Variants in RTEL1 observed in about 807,000 individuals in gnomAD.
The protein encoded by RTEL1 is regulator of telomere elongation helicase 1.
Under a neutral mutation model 162.2 loss-of-function variants are expected in RTEL1, and 86 were observed. That is an observed-to-expected ratio of 0.53 (90% CI 0.45 to 0.63). The LOEUF (loss-of-function observed/expected upper bound fraction) is 0.63, where lower values mean the gene tolerates loss of function less well. Ranked by LOEUF, RTEL1 falls within the 30% of genes least tolerant of loss-of-function variation. The pLI, the probability that RTEL1 is intolerant of heterozygous loss-of-function variation, is 0.00. For synonymous variants in RTEL1, 958 were observed against 717.9 expected, an observed-to-expected ratio of 1.33 and a Z score of -5.35; for missense variants, 1,941 against 1,750.2, an observed-to-expected ratio of 1.11 and a Z score of -1.95.
At chr20:63,666,894 C>T (rs1041445277) in intron 7 of RTEL1, among the ~76,000 whole-genome samples, 2 of 138,592 alleles carry the variant, frequency 1.4e-5, no homozygotes, top group Admixed American at 1.6e-4. Flanking sequence ...GGCTGGAGTG[C>T]AGTGGTGCGA....
At chr20:63,673,840 G>C (rs1479836550) in intron 9 of RTEL1, 100 bp from the exon 10 acceptor site, 20 of 1,389,080 alleles carry the variant, frequency 1.4e-5, no homozygotes, top group Non-Finnish European at 2.0e-5. Context: ...GAACTTGGCT[G>C]TCAGCCTCCT....
chr20:63,695,695 T>G (rs2145481438), intron 34 of RTEL1, 45 bp downstream of exon 34: 3 of 1,608,390 alleles, frequency 1.9e-6, no homozygotes, highest in Non-Finnish European at 2.5e-6. Context: ...TAGCCCCAGG[T>G]GATGGGCTGA....
intron 6 of RTEL1, among the ~76,000 whole-genome samples, chr20:63,664,538 T>C (rs771473800): frequency 1.7e-4 from 26 of 152,256 alleles, no homozygotes; most frequent in Admixed American, 3.3e-4. Flanking sequence ...GGGGCCCCCA[T>C]CTGTCTCCTC....
In RTEL1 at chr20:63,662,637, TG is replaced by T. The variant is rs760455855; in HGVS notation, c.477+13del. 1 of 1,613,830 alleles carries T rather than the reference TG, an allele frequency of 6.2e-7. No individual in the cohort carries two copies. The highest frequency in any genetic ancestry group is 1.7e-5 in the Admixed American group (1 of 60,000). ...GAGTAACCATCTACAGGTAGGCTCC[TG>T]GGCTCCCGCTCCGGCTCAGTGTCCG... On this transcript the variant is annotated intron_variant, in intron 5 of 34. Coordinates refer to ENST00000360203, the MANE Select transcript of RTEL1 (RefSeq NM_001283009.2).
rs376017769 is a variant in RTEL1, at chr20:63,692,907, C to G, written c.2755C>G (p.Leu919Val). Residue 919 changes from leucine to valine, a missense_variant, in exon 29 of 35, where the codon CTG becomes GTG. Transcript: ENST00000360203. The part of the protein sequence containing the change: ...QANFATFTQA[L>V]QDYKGSDDFA... Reference sequence around the variant, plus strand: ...CAACTTTGCCACCTTCACCCAGGCCCTGCAGGACTACAAGGGTTCCGATGA... The same window carrying G: ...CAACTTTGCCACCTTCACCCAGGCCGTGCAGGACTACAAGGGTTCCGATGA... The G allele has an allele frequency of 6.2e-6, 10 of 1,612,658 alleles. No individual in the cohort carries two copies. Among genetic ancestry groups the G allele is most frequent in the Non-Finnish European group, 7.6e-6 (9 of 1,179,864 alleles).
intron 14 of RTEL1, among the ~76,000 whole-genome samples, chr20:63,684,435 G>A (rs1248862787): frequency 1.3e-5 from 2 of 151,574 alleles, no homozygotes; most frequent in African/African-American, 2.4e-5. Context: ...CTCACTGCAA[G>A]CTCCGCCTCC....
rs745723707 is a variant in RTEL1, at chr20:63,687,975, A to C, written c.1520A>C (p.Asp507Ala). ...TGCCTGGAGAACCCACACATCATCG[A>C]CAAGCACCAGATCTGGGTGGGGGTC... Reference protein sequence around the residue: ...PVCLENPHIIDKHQIWVGVVP... With the variant: ...PVCLENPHIIAKHQIWVGVVP... The change falls in exon 18 of 35, where the codon GAC (aspartate) becomes GCC (alanine). Residue 507 changes from aspartate (D) to alanine (A), a missense_variant. Coordinates refer to ENST00000360203, the MANE Select transcript of RTEL1 (RefSeq NM_001283009.2). The C allele has an allele frequency of 6.2e-7, 1 of 1,612,668 alleles. No homozygotes were observed. The highest frequency in any genetic ancestry group is 8.5e-7 in the Non-Finnish European group (1 of 1,179,966).
At position 63,668,119 on chromosome 20, in the gene RTEL1, C is replaced by T. The variant is rs1335585605; in HGVS notation, c.699+566C>T. ...TGCCCAGCCCCACGCTCACTCCCCC[C>T]GCCAGCATGTGCCCGGCCCCACACT... On this transcript the variant is annotated intron_variant, in intron 8 of 34. Coordinates refer to ENST00000360203, the MANE Select transcript of RTEL1 (RefSeq NM_001283009.2). The surrounding 1 kb of genome is among the most constrained non-coding windows in gnomAD (Gnocchi z 4.3). 7.0e-5 allele frequency among the ~76,000 whole-genome samples: 10 copies of T among 143,224 alleles called. No homozygotes were observed. Among genetic ancestry groups the T allele is most frequent in the African/African-American group, 1.6e-4 (6 of 38,378 alleles). The allele number at this position is 143,224 out of a possible 152,430, so 94.0% of individuals were successfully genotyped here. A position where few individuals can be genotyped will look rare whatever the true frequency, so the allele number is the denominator to read the frequency against.
Position 63,661,531 on chromosome 20 carries a change from G to C in RTEL1, c.301+35G>C. 6.3e-7 allele frequency: 1 copy of C among 1,588,060 alleles called. No homozygotes were observed. The stretch of plus-strand genomic sequence containing the variant: ...GTTCCCAGGCCTCTCCTGGCCTCCT[G>C]TGGGGATGGTTGGCAAGGGATGGCG... On this transcript the variant is annotated intron_variant, in intron 3 of 34. Transcript: ENST00000360203. This position sits in a 1 kb window ranked among gnomAD's most constrained non-coding sequence, Gnocchi z 5.1.
rs770389042 is a variant in RTEL1, at chr20:63,678,195, C to T, written c.958+12C>T. The stretch of plus-strand genomic sequence containing the variant: ...TGCAAAGCTGAAGAGTAAGTGTTGC[C>T]CTCCCCGCCTCCTTGCAGCTGGGTG... On this transcript the variant is annotated intron_variant, in intron 11 of 34. Transcript: ENST00000360203. The T allele has an allele frequency of 5.6e-6, 9 of 1,613,036 alleles. No individual in the cohort carries two copies. Among genetic ancestry groups the T allele is most frequent in the African/African-American group, 1.3e-5 (1 of 74,892 alleles).
Position 63,695,340 on chromosome 20 carries a change from C to T in RTEL1, c.3512C>T (p.Ser1171Phe), listed in dbSNP as rs1220694664. Residue 1171 changes from serine (S) to phenylalanine (F), a missense_variant, in exon 34 of 35, where the codon TCC becomes TTC. Ser to Phe is a radical substitution (Grantham distance 155, BLOSUM62 -2). Coordinates refer to ENST00000360203, the MANE Select transcript of RTEL1 (RefSeq NM_001283009.2). ...HRAPQPGPSR[S>F]EKTGKTQSKI... ...TCTCTGTCTCCAGGCCCCTCACGGT[C>T]CGAGAAGACCGGGAAGACCCAGAGC... is the stretch of plus-strand genomic sequence containing the variant. The T allele has an allele frequency of 6.4e-7, 1 of 1,553,968 alleles. No individual in the cohort carries two copies. Among genetic ancestry groups the T allele is most frequent in the East Asian group, 2.3e-5 (1 of 44,370 alleles).
At chr20:63,667,928 G>A (rs1191972935) in intron 8 of RTEL1, among the ~76,000 whole-genome samples, 1 of 151,262 alleles carries the variant, frequency 6.6e-6, no homozygotes. Context: ...CGCGTGCCCG[G>A]CCCCACACTC....
At chr20:63,685,980 C>A in intron 16 of RTEL1, 108 bp downstream of exon 16, 1 of 1,013,398 alleles carries the variant, frequency 9.9e-7, no homozygotes, top group Non-Finnish European at 1.5e-6. Context: ...CCCCCATGGG[C>A]CTGGCCACCT....
In RTEL1 at chr20:63,668,045, A is replaced by C. The variant is rs1472880399; in HGVS notation, c.699+492A>C. Among the ~76,000 whole-genome samples the C allele has an allele frequency of 5.9e-5, 6 of 101,984 alleles. No individual in the cohort carries two copies. The highest frequency in any genetic ancestry group is 8.1e-5 in the African/African-American group (2 of 24,620). The allele number at this position is 101,984 out of a possible 152,430, so 66.9% of individuals were successfully genotyped here. On this transcript the variant is annotated intron_variant, in intron 8 of 34. Transcript: ENST00000360203. This position sits in a 1 kb window ranked among gnomAD's most constrained non-coding sequence, Gnocchi z 4.3. The stretch of plus-strand genomic sequence containing the variant: ...ACAGCATGTGCCCGGCCTGACACTC[A>C]CTCCCCTCCTCCCAGTGTGTGCCCA...
intron 25 of RTEL1, 28 bp from the exon 26 acceptor site, chr20:63,690,266 G>A (rs2145431388): frequency 6.2e-7 from 1 of 1,600,474 alleles, no homozygotes; most frequent in Non-Finnish European, 8.5e-7. Flanking sequence ...AGCCAGAAAT[G>A]GGTCCACCCA....
rs371159583 is a variant in RTEL1, at chr20:63,694,752, A to G, written c.3121A>G (p.Ser1041Gly). 3.7e-6 allele frequency: 6 copies of G among 1,604,172 alleles called. No homozygotes were observed. The highest frequency in any genetic ancestry group is 3.4e-5 in the Admixed American group (2 of 59,474). Residue 1041 changes from serine (S) to glycine (G), a missense_variant, in exon 32 of 35, where the codon AGC (serine) becomes GGC (glycine). Coordinates refer to ENST00000360203, the MANE Select transcript of RTEL1 (RefSeq NM_001283009.2). ...TACTCCCACACCAGGAGACCCTGGCAGCCAACCACAGTGGGGGTCTGGAGT... is the reference window on the plus strand; with the variant it reads ...TACTCCCACACCAGGAGACCCTGGCGGCCAACCACAGTGGGGGTCTGGAGT... Reference protein sequence around the residue: ...PRPPPTGDPGSQPQWGSGVPR... With the variant: ...PRPPPTGDPGGQPQWGSGVPR...
intron 30 of RTEL1, among the ~76,000 whole-genome samples, 173 bp downstream of exon 30, chr20:63,693,456 T>TCCA (rs1262595789): frequency 0.046 from 969 of 21,034 alleles, 184 homozygotes; most frequent in South Asian, 0.065. Flanking sequence ...CAGCACCACC[T>TCCA]CCACCTCCAC....
chr20:63,694,606 G>T, intron 31 of RTEL1, 118 bp downstream of exon 31: 2 of 1,210,746 alleles, frequency 1.7e-6, no homozygotes, highest in Admixed American at 2.3e-5. Context: ...TCATGGTGGG[G>T]ACTGCTCCCG....
Position 63,690,792 on chromosome 20 carries a change from G to C in RTEL1, c.2414-13G>C, listed in dbSNP as rs2090720786. 3 of 1,597,030 alleles carry C rather than the reference G, an allele frequency of 1.9e-6. No individual in the cohort carries two copies. The highest frequency in any genetic ancestry group is 1.7e-5 in the Admixed American group (1 of 58,020). On this transcript the variant is annotated splice_polypyrimidine_tract_variant and intron_variant, in intron 26 of 34. Transcript: ENST00000360203. The stretch of plus-strand genomic sequence containing the variant: ...CCCCGTGGGCTTCACTGCGCACTCG[G>C]GTGCCCCTGCAGGGTCACCAGCTGC...
Sources: allele counts gnomAD v4.1 joint callset (sites outside exome capture counted in the v4.1 genomes callset), GRCh38; gene constraint gnomAD v4.1.1; non-coding constraint Gnocchi (gnomAD v3.1); transcripts MANE v1.5; gene names NCBI Gene and HGNC (gene_info 2026-07-23, HGNC 2026-07-21).